Variants in NAV2 observed in about 807,000 individuals in gnomAD.
NAV2 encodes helicase, APC down-regulated 1.
In NAV2, 54 loss-of-function variants were observed where a neutral mutation model predicts 223.2. The ratio of observed to expected loss-of-function variants is 0.24; its 90% CI spans 0.19 to 0.30. The LOEUF is 0.30. Among genes scored for constraint, NAV2 ranks in the 10% least tolerant of loss-of-function variants. NAV2 has a pLI of 1.00. For missense variants in NAV2, 2,806 were observed against 3,147.5 expected (o/e 0.89, Z 2.60); for synonymous variants, 1,279 against 1,239.3 (o/e 1.03, Z -0.67).
At chr11:19,448,131 AC>A (rs1471451736) in intron 1 of NAV2, among the ~76,000 whole-genome samples, 1 of 151,922 alleles carries the variant, frequency 6.6e-6, no homozygotes, top group African/African-American at 2.4e-5. Context: ...CTATAAAAGC[AC>A]CCCACCCTGT....
In NAV2 at chr11:19,843,974, G is replaced by T. The variant is rs180997731; in HGVS notation, c.438+1051G>T. On this transcript the variant is annotated intron_variant, in intron 3 of 37. Transcript: ENST00000349880. ...TAATGCACATTTTGAATATAAAGAT[G>T]TCAGTGTATGTATGGAAGGGGAGTC... is the stretch of plus-strand genomic sequence containing the variant. Among the ~76,000 whole-genome samples, 53 of 152,296 alleles carry T rather than the reference G, an allele frequency of 3.5e-4. 1 individual carries two copies. Among genetic ancestry groups the T allele is most frequent in the Non-Finnish European group, 5.7e-4 (39 of 68,020 alleles).
At chr11:19,644,856 T>C (rs2047771072) in intron 1 of NAV2, among the ~76,000 whole-genome samples, 1 of 152,220 alleles carries the variant, frequency 6.6e-6, no homozygotes, top group Non-Finnish European at 1.5e-5. Flanking sequence ...TATGGCATTA[T>C]CTGTAGCCCA....
At chr11:19,878,434 G>T (rs1377475484) in intron 4 of NAV2, among the ~76,000 whole-genome samples, 1 of 152,184 alleles carries the variant, frequency 6.6e-6, no homozygotes, top group Non-Finnish European at 1.5e-5. Flanking sequence ...AGCGGTGTCC[G>T]TATTGCCCTT....
At chr11:19,793,206 C>CAAAAAAAAAA (rs557365857) in intron 1 of NAV2, among the ~76,000 whole-genome samples, 1 of 58,268 alleles carries the variant, frequency 1.7e-5, no homozygotes, top group Non-Finnish European at 3.5e-5. Context: ...CACTCTGTCT[C>CAAAAAAAAAA]AAAAAAAAAA....
At chr11:19,759,005 A>G (rs2054491224) in intron 1 of NAV2, among the ~76,000 whole-genome samples, 1 of 151,428 alleles carries the variant, frequency 6.6e-6, no homozygotes, top group African/African-American at 2.4e-5. Flanking sequence ...TAAGATCCCC[A>G]CCACCAACTT....
chr11:19,368,492 A>G (rs570802511), intron 1 of NAV2, among the ~76,000 whole-genome samples: 1 of 152,296 alleles, frequency 6.6e-6, no homozygotes, highest in South Asian at 2.1e-4. Context: ...TGGAAGAGCC[A>G]TTTCACTACT....
chr11:19,429,164 AG>A (rs1397282260), intron 1 of NAV2, among the ~76,000 whole-genome samples: 2 of 152,232 alleles, frequency 1.3e-5, no homozygotes, highest in African/African-American at 4.8e-5. Flanking sequence ...TTGGGAGCTC[AG>A]TGAGTCCAGA....
intron 11 of NAV2, among the ~76,000 whole-genome samples, chr11:20,012,774 A>G (rs1369806111): frequency 6.6e-6 from 1 of 152,200 alleles, no homozygotes. Flanking sequence ...CTGTCTGTAA[A>G]GTCAAGAAAA....
At chr11:19,874,722 C>T (rs1174336473) in intron 4 of NAV2, among the ~76,000 whole-genome samples, 1 of 152,086 alleles carries the variant, frequency 6.6e-6, no homozygotes, top group African/African-American at 2.4e-5. Context: ...TTTTTGTAAT[C>T]TGAAAAGAAA....
At chr11:19,908,084 C>T (rs2043019453) in intron 6 of NAV2, among the ~76,000 whole-genome samples, 1 of 152,220 alleles carries the variant, frequency 6.6e-6, no homozygotes, top group African/African-American at 2.4e-5. Flanking sequence ...ACCGGAATGG[C>T]CACTGCTGGC....
At chr11:19,796,333 T>C (rs2057892808) in intron 1 of NAV2, among the ~76,000 whole-genome samples, 1 of 152,168 alleles carries the variant, frequency 6.6e-6, no homozygotes, top group South Asian at 2.1e-4. Flanking sequence ...GAGGGCCCTC[T>C]GCCTCAATCC....
chr11:19,569,985 T>A (rs527496340), intron 1 of NAV2, among the ~76,000 whole-genome samples: 1 of 152,332 alleles, frequency 6.6e-6, no homozygotes, highest in South Asian at 2.1e-4. Flanking sequence ...TGAGCCTTCC[T>A]CCCAGGCAGC....
At chr11:19,359,100 G>A (rs530739523) in intron 1 of NAV2, among the ~76,000 whole-genome samples, 121 of 152,318 alleles carry the variant, frequency 7.9e-4, no homozygotes, top group African/African-American at 2.6e-3. Flanking sequence ...GAGGGTAAAA[G>A]GGAGAGATAG....
At chr11:19,356,901 G>A (rs1049041267) in intron 1 of NAV2, among the ~76,000 whole-genome samples, 8 of 152,194 alleles carry the variant, frequency 5.3e-5, no homozygotes, top group African/African-American at 1.4e-4. Flanking sequence ...TGCTGGAAAA[G>A]TTGGGTTATT....
upstream of NAV2, among the ~76,000 whole-genome samples, chr11:19,709,295 C>T (rs996425938): frequency 1.3e-5 from 2 of 152,154 alleles, no homozygotes; most frequent in Non-Finnish European, 2.9e-5. Context: ...GTAATCCCAG[C>T]ACTTTGGGAG....
At chr11:19,805,053 G>T (rs1400337859) in intron 1 of NAV2, among the ~76,000 whole-genome samples, 1 of 152,200 alleles carries the variant, frequency 6.6e-6, no homozygotes, top group Non-Finnish European at 1.5e-5. Context: ...AAGGAAGTAG[G>T]ACTTGGTTCT....
rs1484451887 is a variant in NAV2 at position 19,880,150 on chromosome 11, T to A, written c.770+23T>A. On this transcript the variant is annotated intron_variant, in intron 5 of 37. Transcript: ENST00000349880. ...CAGGTGGGGGCTCCTTGCCAACTGA[T>A]GGTTCTGTTTTTCAGGCACCTTCCT... 4 of 1,540,286 alleles carry A rather than the reference T, an allele frequency of 2.6e-6. No individual in the cohort carries two copies. In the South Asian group the frequency reaches 5.1e-5, roughly 20 times the overall value.
chr11:19,638,324 T>A (rs750537603), intron 1 of NAV2, among the ~76,000 whole-genome samples: 10 of 152,224 alleles, frequency 6.6e-5, no homozygotes, highest in Non-Finnish European at 1.2e-4. Flanking sequence ...GGGACCTTTA[T>A]AACCATGCTT....
chr11:19,430,569 G>A (rs1286032632), intron 1 of NAV2, among the ~76,000 whole-genome samples: 1 of 152,228 alleles, frequency 6.6e-6, no homozygotes, highest in African/African-American at 2.4e-5. Flanking sequence ...CTCATGGGCA[G>A]CAATGTTTAT....
Sources: allele counts gnomAD v4.1 joint callset (sites outside exome capture counted in the v4.1 genomes callset), GRCh38; gene constraint gnomAD v4.1.1; transcripts MANE v1.5; gene names NCBI Gene and HGNC (gene_info 2026-07-23, HGNC 2026-07-21).